RECQL: variants seen among roughly 807,000 people sequenced by gnomAD.
The protein encoded by RECQL is RecQ like helicase, also known as ATP-dependent DNA helicase Q1.
RECQL carries 73 observed loss-of-function variants against 75.8 expected under a neutral mutation model. The ratio of observed to expected loss-of-function variants is 0.96; its 90% CI spans 0.80 to 1.17. The LOEUF (loss-of-function observed/expected upper bound fraction) is 1.17, where lower values mean the gene tolerates loss of function less well. Ranked by LOEUF, RECQL falls within the 50% of genes most tolerant of loss-of-function variation. RECQL has a pLI of 0.00. For synonymous variants in RECQL, 248 were observed against 254.4 expected (o/e 0.97, Z 0.24); for missense variants, 699 against 772.1 (o/e 0.91, Z 1.12).
chr12:21,486,607 A>G, intron 4 of RECQL, 22 bp from the exon 5 acceptor site: 1 of 1,370,674 alleles, frequency 7.3e-7, no homozygotes. Flanking sequence ...AAAAAAAAAA[A>G]TCTACCTTAA....
rs1230388564 is a variant in RECQL, at chr12:21,486,656, CGTTTTTTTTTTTTTT to C, written c.395-86_395-72del. ...CTCAGAATCAGATGCAAACCATTCA[CGTTTTTTTTTTTTTT>C]TTTTTTTTTTTTTTTTAGAGATGGA... On this transcript the variant is annotated intron_variant, in intron 4 of 14. Coordinates refer to ENST00000444129, the MANE Select transcript of RECQL (RefSeq NM_002907.4). The C allele has an allele frequency of 3.4e-4, 55 of 161,216 alleles. 4 individuals are homozygous for C. Among genetic ancestry groups the C allele is most frequent in the Non-Finnish European group, 4.9e-4 (50 of 101,058 alleles). The allele number at this position is 161,216 out of a possible 1,614,324, so 10.0% of individuals were successfully genotyped here.
intron 1 of RECQL, among the ~76,000 whole-genome samples, chr12:21,500,163 G>A (rs530147730): frequency 6.6e-6 from 1 of 152,212 alleles, no homozygotes; most frequent in Admixed American, 6.5e-5. Flanking sequence ...ATTTTATTGA[G>A]CCCTTGCGTT....
At chr12:21,484,721 C>T (rs1943256478) in intron 5 of RECQL, among the ~76,000 whole-genome samples, 2 of 151,444 alleles carry the variant, frequency 1.3e-5, no homozygotes, top group South Asian at 4.2e-4. Context: ...TGCCCAAGGA[C>T]AGGACTATTT....
At chr12:21,479,087 T>C (rs899252796) in intron 6 of RECQL, among the ~76,000 whole-genome samples, 3 of 152,124 alleles carry the variant, frequency 2.0e-5, no homozygotes, top group Admixed American at 6.5e-5. Context: ...CACCAGTGCT[T>C]AGGTATCAAT....
intron 7 of RECQL, among the ~76,000 whole-genome samples, chr12:21,477,408 T>C (rs140846569): frequency 2.2e-4 from 34 of 152,312 alleles, no homozygotes; most frequent in African/African-American, 7.5e-4. Flanking sequence ...AAAATTCAAA[T>C]AGAATTGGCA....
chr12:21,471,354 G>C, intron 13 of RECQL, 74 bp downstream of exon 13: 2 of 1,363,172 alleles, frequency 1.5e-6, no homozygotes, highest in Non-Finnish European at 1.0e-6. Context: ...CTGCAAAACC[G>C]TTTATTCTGT....
Position 21,475,711 on chromosome 12 carries a change from T to A in RECQL, c.1063A>T (p.Thr355Ser). The part of the protein sequence containing the change: ...HANLEPEDKT[T>S]VHRKWSANEI... ...TTGGCTGACCATTTTCTATGAACTGTGGTCTTATCTTCTGGCTCCAAATTG... is the reference window on the plus strand; with the variant it reads ...TTGGCTGACCATTTTCTATGAACTGAGGTCTTATCTTCTGGCTCCAAATTG... Residue 355 changes from threonine (T) to serine (S), a missense_variant, in exon 9 of 15, where the codon ACA (threonine) becomes TCA (serine). By Grantham distance (58) the Thr-to-Ser change is moderately conservative. Transcript: ENST00000444129. The A allele has an allele frequency of 6.2e-7, 1 of 1,613,474 alleles. No homozygotes were observed. The highest frequency in any genetic ancestry group is 8.5e-7 in the Non-Finnish European group (1 of 1,179,532).
chr12:21,475,818 A>C lies in RECQL; in HGVS notation c.956T>G (p.Ile319Arg). 1 of 1,610,952 alleles carries C rather than the reference A, an allele frequency of 6.2e-7. No homozygotes were observed. The highest frequency in any genetic ancestry group is 8.5e-7 in the Non-Finnish European group (1 of 1,177,874). The change falls in exon 9 of 15, where the codon ATA becomes AGA. Residue 319 changes from isoleucine to arginine, a missense_variant. By Grantham distance (97) the Ile-to-Arg change is moderately conservative. Coordinates refer to ENST00000444129, the MANE Select transcript of RECQL (RefSeq NM_002907.4). ...AGAGTCTTTCTGAGAAAAACAATAT[A>C]TGATTCCTGCAGTAAAATATGTGCA... ...NGRYKGQSGI[I>R]YCFSQKDSEQ...
chr12:21,471,353 C>A, intron 13 of RECQL, 75 bp downstream of exon 13: 1 of 1,349,596 alleles, frequency 7.4e-7, no homozygotes, highest in East Asian at 2.4e-5. Context: ...ACTGCAAAAC[C>A]GTTTATTCTG....
chr12:21,481,427 A>G (rs908195035), intron 6 of RECQL, among the ~76,000 whole-genome samples: 5 of 152,302 alleles, frequency 3.3e-5, no homozygotes, highest in Non-Finnish European at 5.9e-5. Context: ...CAGAGACAAC[A>G]TAAGTCATGG....
rs1202273126 is a variant in RECQL, at chr12:21,486,656, CGTTTTTTTTTT to C, written c.395-82_395-72del. On this transcript the variant is annotated intron_variant, in intron 4 of 14. Coordinates refer to ENST00000444129, the MANE Select transcript of RECQL (RefSeq NM_002907.4). ...CTCAGAATCAGATGCAAACCATTCA[CGTTTTTTTTTT>C]TTTTTTTTTTTTTTTTTTTTAGAGA... is the stretch of plus-strand genomic sequence containing the variant. The C allele has an allele frequency of 2.4e-4, 38 of 161,216 alleles. 4 individuals are homozygous for C. Among genetic ancestry groups the C allele is most frequent in the Non-Finnish European group, 2.9e-4 (29 of 101,058 alleles). The allele number at this position is 161,216 out of a possible 1,614,324, so 10.0% of individuals were successfully genotyped here. A position where few individuals can be genotyped will look rare whatever the true frequency, so the allele number is the denominator to read the frequency against.
rs1394935892 is a variant in RECQL, at chr12:21,475,881, TTTC to T, written c.950-60_950-58del. On this transcript the variant is annotated intron_variant, in intron 8 of 14. Coordinates refer to ENST00000444129, the MANE Select transcript of RECQL (RefSeq NM_002907.4). ...ATATGGCATATTCCTGGAAGATGGTTTTCAACACACACATTCAGGACATTGATT... is the reference window on the plus strand; with the variant it reads ...ATATGGCATATTCCTGGAAGATGGTTAACACACACATTCAGGACATTGATT... The T allele has an allele frequency of 2.9e-6, 4 of 1,381,716 alleles. No individual in the cohort carries two copies. In the African/African-American group the frequency reaches 5.7e-5, roughly 20 times the overall value. The allele number at this position is 1,381,716 out of a possible 1,614,324, so 85.6% of individuals were successfully genotyped here.
intron 2 of RECQL, among the ~76,000 whole-genome samples, chr12:21,498,512 G>A (rs1406311906): frequency 6.6e-6 from 1 of 152,188 alleles, no homozygotes; most frequent in African/African-American, 2.4e-5. Context: ...TAAACTGGAA[G>A]TTGACTGCCA....
chr12:21,476,883 C>A, intron 8 of RECQL, 28 bp downstream of exon 8: 3 of 1,503,900 alleles, frequency 2.0e-6, no homozygotes, highest in Non-Finnish European at 2.7e-6. Context: ...TTATCTCTGT[C>A]TCCAAAGTTG....
At chr12:21,480,834 A>G (rs1445365473) in intron 6 of RECQL, among the ~76,000 whole-genome samples, 5 of 152,214 alleles carry the variant, frequency 3.3e-5, no homozygotes, top group Non-Finnish European at 5.9e-5. Context: ...CTCCAGCACC[A>G]GGGAGCTCAG....
intron 12 of RECQL, among the ~76,000 whole-genome samples, chr12:21,473,059 T>A (rs1010954821): frequency 6.6e-6 from 1 of 152,130 alleles, no homozygotes; most frequent in Non-Finnish European, 1.5e-5. Context: ...TAGTTTTAAT[T>A]CTGGAAAATC....
In RECQL at chr12:21,471,001, G is replaced by C. The variant is rs753139296; in HGVS notation, c.1765C>G (p.Gln589Glu). 13 of 1,567,908 alleles carry C rather than the reference G, an allele frequency of 8.3e-6. No individual in the cohort carries two copies. In the African/African-American group the frequency reaches 1.5e-4, roughly 19 times the overall value. The stretch of plus-strand genomic sequence containing the variant: ...GAGTTCTGCGTGGACTTTGTCACTT[G>C]CATAGTAATAGCATGTGCCTCATTG... ...LNNEAHAITM[Q>E]VTKSTQNSFR... Residue 589 changes from glutamine (Q) to glutamate (E), a missense_variant, in exon 14 of 15, where the codon CAA becomes GAA. Gln to Glu is a conservative substitution (Grantham distance 29, BLOSUM62 2). Transcript: ENST00000444129.
intron 2 of RECQL, among the ~76,000 whole-genome samples, chr12:21,494,403 T>C (rs2284393): frequency 0.25 from 38,585 of 152,134 alleles, 4,863 homozygotes; most frequent in South Asian, 0.31. Flanking sequence ...ACAGGGTTTA[T>C]GGAATACAAT....
At chr12:21,491,830 T>A in intron 2 of RECQL, 114 bp from the exon 3 acceptor site, 2 of 912,670 alleles carry the variant, frequency 2.2e-6, no homozygotes, top group Non-Finnish European at 3.2e-6. Flanking sequence ...CTTGAAGTAG[T>A]ATAGCAGAAT....
Sources: allele counts gnomAD v4.1 joint callset (sites outside exome capture counted in the v4.1 genomes callset), GRCh38; gene constraint gnomAD v4.1.1; transcripts MANE v1.5; gene names NCBI Gene and HGNC (gene_info 2026-07-23, HGNC 2026-07-21).